Variants in FAM193A observed in about 807,000 individuals in gnomAD.
The protein encoded by FAM193A is protein FAM193A.
A neutral mutation model predicts 126.5 loss-of-function variants in FAM193A; 22 were observed. That is an observed-to-expected ratio of 0.17 (90% CI 0.12 to 0.25). The LOEUF is 0.25. FAM193A is among the 10% of genes least tolerant of loss of function. The pLI is 1.00. For missense variants in FAM193A, 1,675 were observed against 1,672.8 expected (o/e 1.00, Z -0.02); for synonymous variants, 761 against 646.8 (o/e 1.18, Z -2.68).
intron 8 of FAM193A, among the ~76,000 whole-genome samples, chr4:2,658,291 A>G (rs1275516292): frequency 6.6e-6 from 1 of 152,100 alleles, no homozygotes; most frequent in Non-Finnish European, 1.5e-5. Flanking sequence ...GCATCCCCAG[A>G]CAGAGCGCTC....
At chr4:2,717,707 T>G (rs997655287) in intron 20 of FAM193A, among the ~76,000 whole-genome samples, 3 of 148,896 alleles carry the variant, frequency 2.0e-5, no homozygotes, top group African/African-American at 7.5e-5. Context: ...TGAACTATGA[T>G]CACGGCACTT....
At chr4:2,601,308 C>G (rs1269099084) in intron 2 of FAM193A, among the ~76,000 whole-genome samples, 1 of 140,468 alleles carries the variant, frequency 7.1e-6, no homozygotes, top group African/African-American at 2.6e-5. Flanking sequence ...TCTCAGCTTA[C>G]TGCAACCTCT....
chr4:2,578,867 A>AGAG (rs1739757367), intron 1 of FAM193A, among the ~76,000 whole-genome samples: 1 of 151,228 alleles, frequency 6.6e-6, no homozygotes, highest in Non-Finnish European at 1.5e-5. Flanking sequence ...GGCTAGGCTG[A>AGAG]GAGAGGAGGA....
At chr4:2,544,577 G>A (rs1335772763) in intron 1 of FAM193A, among the ~76,000 whole-genome samples, 9 of 152,044 alleles carry the variant, frequency 5.9e-5, no homozygotes, top group East Asian at 3.9e-4. Context: ...GGTGGTGGGC[G>A]CCTGTAATCC....
At chr4:2,689,237 G>T (rs1200385817) in intron 13 of FAM193A, among the ~76,000 whole-genome samples, 1 of 152,232 alleles carries the variant, frequency 6.6e-6, no homozygotes, top group Non-Finnish European at 1.5e-5. Flanking sequence ...AATGTGAGAA[G>T]TTACTGAGTT....
At chr4:2,674,833 CA>C (rs75774261) in intron 13 of FAM193A, among the ~76,000 whole-genome samples, 1,473 of 105,862 alleles carry the variant, frequency 0.014, 8 homozygotes, top group Middle Eastern at 0.018. Context: ...CTGTCTCTAC[CA>C]AAAAAAAAAA....
At chr4:2,629,859 C>CAT (rs1743367411) in intron 4 of FAM193A, among the ~76,000 whole-genome samples, 2 of 152,076 alleles carry the variant, frequency 1.3e-5, no homozygotes, top group Non-Finnish European at 2.9e-5. Flanking sequence ...CGGCCGGGTG[C>CAT]GGTGGCTCAC....
chr4:2,694,847 C>A, intron 16 of FAM193A, 99 bp from the exon 17 acceptor site: 1 of 1,045,916 alleles, frequency 9.6e-7, no homozygotes, highest in Non-Finnish European at 1.4e-6. Context: ...TGCCTCTTGT[C>A]TGTGAAATGG....
intron 20 of FAM193A, among the ~76,000 whole-genome samples, chr4:2,729,825 T>G (rs1721178275): frequency 6.6e-6 from 1 of 152,190 alleles, no homozygotes; most frequent in Non-Finnish European, 1.5e-5. Flanking sequence ...TTGCCCAGGC[T>G]GGCCTTGAAC....
intron 5 of FAM193A, among the ~76,000 whole-genome samples, chr4:2,633,915 A>G (rs1743849051): frequency 6.6e-6 from 1 of 152,194 alleles, no homozygotes; most frequent in South Asian, 2.1e-4. Context: ...GAAATCTTTT[A>G]AAGTGTATGG....
intron 2 of FAM193A, 26 bp from the exon 3 acceptor site, chr4:2,625,236 T>G: frequency 1.5e-6 from 1 of 687,166 alleles, no homozygotes; most frequent in Non-Finnish European, 2.7e-6. Flanking sequence ...ACATAACTGG[T>G]CTATTCTGTT....
At chr4:2,587,343 C>T (rs569608399) in intron 1 of FAM193A, among the ~76,000 whole-genome samples, 117 of 152,306 alleles carry the variant, frequency 7.7e-4, no homozygotes, top group Admixed American at 3.3e-3. Context: ...GCTGGAAAGA[C>T]AGCACCAAGC....
At chr4:2,712,885 C>T (rs568366353) in intron 19 of FAM193A, among the ~76,000 whole-genome samples, 2 of 150,826 alleles carry the variant, frequency 1.3e-5, no homozygotes, top group Non-Finnish European at 3.0e-5. Flanking sequence ...GGCAGATCAC[C>T]TGAGGTCAAG....
chr4:2,635,241 C>G lies in FAM193A; in HGVS notation c.1038+4072C>G, dbSNP rs192708478. On this transcript the variant is annotated intron_variant, in intron 5 of 20. Transcript: ENST00000637812. ...CATTATTACACTGCCATCCAGTGAT[C>G]TATGCAGCACCAGCTTAAGATAAAC... 1.1e-3 allele frequency among the ~76,000 whole-genome samples: 173 copies of G among 152,300 alleles called. 4 individuals carry two copies. In the South Asian group the frequency reaches 0.015, roughly 13 times the overall value.
intron 20 of FAM193A, among the ~76,000 whole-genome samples, chr4:2,727,398 T>C (rs1040240268): frequency 6.6e-6 from 1 of 152,210 alleles, no homozygotes; most frequent in Non-Finnish European, 1.5e-5. Context: ...TACTTACTTA[T>C]TTATTTATTA....
intron 5 of FAM193A, among the ~76,000 whole-genome samples, chr4:2,639,378 G>A (rs946452313): frequency 6.6e-6 from 1 of 152,168 alleles, no homozygotes; most frequent in African/African-American, 2.4e-5. Context: ...TGTTTGAACT[G>A]TAAGGGCTTT....
At chr4:2,573,465 A>C (rs1049377158) in intron 1 of FAM193A, among the ~76,000 whole-genome samples, 7 of 150,870 alleles carry the variant, frequency 4.6e-5, no homozygotes, top group Admixed American at 6.6e-5. Context: ...GTGAGCTGAG[A>C]TCGTGCCACT....
At chr4:2,633,737 C>G (rs1743826259) in intron 5 of FAM193A, among the ~76,000 whole-genome samples, 1 of 151,092 alleles carries the variant, frequency 6.6e-6, no homozygotes, top group Non-Finnish European at 1.5e-5. Context: ...ACTAAAAATG[C>G]AAAAAATTAG....
intron 1 of FAM193A, among the ~76,000 whole-genome samples, chr4:2,567,382 TTGAG>T (rs1303949657): frequency 6.6e-6 from 1 of 152,236 alleles, no homozygotes; most frequent in East Asian, 1.9e-4. Flanking sequence ...ATATGTATCT[TTGAG>T]TGGGACCTTT....
Sources: gnomAD v4.1 joint callset for allele counts (sites outside exome capture counted in the v4.1 genomes callset) on GRCh38, gnomAD v4.1.1 for gene constraint, MANE v1.5 for transcripts, NCBI Gene and HGNC (gene_info 2026-07-23, HGNC 2026-07-21) for gene names.